Variants in CLNK observed in about 807,000 individuals in gnomAD.
The protein encoded by CLNK is cytokine dependent hematopoietic cell linker, also known as cytokine-dependent hematopoietic cell linker.
CLNK carries 74 observed loss-of-function variants against 68.6 expected under a neutral mutation model. The observed-to-expected ratio is 1.08, with a 90% CI of 0.89 to 1.31. The LOEUF (loss-of-function observed/expected upper bound fraction) is 1.31, where lower values mean the gene tolerates loss of function less well. CLNK is among the 50% of genes most tolerant of loss of function. CLNK has a pLI of 0.00. For synonymous variants in CLNK, 198 were observed against 172.2 expected, an observed-to-expected ratio of 1.15 and a Z score of -1.17; for missense variants, 553 against 515.3, an observed-to-expected ratio of 1.07 and a Z score of -0.71.
At chr4:10,526,445 T>C (rs1300369555) in intron 13 of CLNK, among the ~76,000 whole-genome samples, 1 of 152,170 alleles carries the variant, frequency 6.6e-6, no homozygotes, top group African/African-American at 2.4e-5. Flanking sequence ...ACCGATGATA[T>C]AAAGGAAATA....
chr4:10,709,160 C>A, the CLNK span, among the ~76,000 whole-genome samples: 1 of 152,216 alleles, frequency 6.6e-6, no homozygotes, highest in Admixed American at 6.5e-5. Flanking sequence ...TATGCTTATA[C>A]TGACTCTATG....
chr4:10,657,644 G>T, intron 2 of CLNK, among the ~76,000 whole-genome samples: 1 of 152,150 alleles, frequency 6.6e-6, no homozygotes, highest in East Asian at 1.9e-4. Context: ...CAGAATTTTT[G>T]TTCAAACAGA....
chr4:10,515,850 C>G (rs1379295409), intron 15 of CLNK, among the ~76,000 whole-genome samples: 3 of 152,088 alleles, frequency 2.0e-5, no homozygotes, highest in African/African-American at 7.2e-5. Flanking sequence ...CTGCACAGTC[C>G]TGCCTGGATA....
At chr4:10,611,562 G>A (rs900458122) in intron 2 of CLNK, among the ~76,000 whole-genome samples, 6 of 151,124 alleles carry the variant, frequency 4.0e-5, no homozygotes, top group Non-Finnish European at 7.4e-5. Context: ...GGGGCCTCCC[G>A]TGAGTGCCAG....
At chr4:10,592,198 C>G (rs1721204199) in intron 3 of CLNK, among the ~76,000 whole-genome samples, 1 of 152,034 alleles carries the variant, frequency 6.6e-6, no homozygotes, top group South Asian at 2.1e-4. Flanking sequence ...AGTTTTTTTC[C>G]TTTCCTCAAT....
At chr4:10,639,737 T>A (rs569463237) in intron 2 of CLNK, among the ~76,000 whole-genome samples, 1 of 152,356 alleles carries the variant, frequency 6.6e-6, no homozygotes, top group South Asian at 2.1e-4. Flanking sequence ...AGTAGCCACA[T>A]GTGGCAAACG....
At chr4:10,517,746 A>G (rs1452981264) in intron 15 of CLNK, among the ~76,000 whole-genome samples, 2 of 152,206 alleles carry the variant, frequency 1.3e-5, no homozygotes, top group African/African-American at 4.8e-5. Flanking sequence ...TTTAACCTTC[A>G]GTGCCTTGCT....
At chr4:10,546,797 A>T (rs1254041729) in intron 8 of CLNK, among the ~76,000 whole-genome samples, 1 of 152,082 alleles carries the variant, frequency 6.6e-6, no homozygotes, top group Non-Finnish European at 1.5e-5. Flanking sequence ...CTAGGTGATG[A>T]TTTATATGCA....
At chr4:10,655,283 T>A (rs2108885010) in intron 2 of CLNK, among the ~76,000 whole-genome samples, 1 of 150,060 alleles carries the variant, frequency 6.7e-6, no homozygotes, top group South Asian at 2.1e-4. Context: ...TCATTTATCT[T>A]CTAAGTTATC....
At chr4:10,499,334 G>T (rs866445380) in intron 18 of CLNK, among the ~76,000 whole-genome samples, 8 of 152,188 alleles carry the variant, frequency 5.3e-5, no homozygotes, top group Admixed American at 3.9e-4. Context: ...GCACCCCTCT[G>T]TGCAGAACTA....
chr4:10,725,475 G>A, the CLNK span, among the ~76,000 whole-genome samples: 5 of 152,036 alleles, frequency 3.3e-5, no homozygotes, highest in African/African-American at 7.3e-5. Context: ...AAGGACGCCC[G>A]TGCAGGTTCC....
intron 4 of CLNK, among the ~76,000 whole-genome samples, chr4:10,580,749 G>A (rs1241646572): frequency 6.6e-6 from 1 of 152,148 alleles, no homozygotes; most frequent in African/African-American, 2.4e-5. Flanking sequence ...TTGTGCTTAA[G>A]ATAAGTCTTA....
intron 8 of CLNK, among the ~76,000 whole-genome samples, chr4:10,557,331 C>G (rs141816652): frequency 0.014 from 2,156 of 152,228 alleles, 20 homozygotes; most frequent in Non-Finnish European, 0.023. Flanking sequence ...AGGGACTGCC[C>G]TATCCTCTCA....
rs61796790 is a variant in CLNK at position 10,628,932 on chromosome 4, G to T, written c.12-30883C>A. 1.1e-3 allele frequency among the ~76,000 whole-genome samples: 175 copies of T among 152,262 alleles called. 3 individuals carry two copies. The highest frequency in any genetic ancestry group is 6.8e-3 in the Middle Eastern group (2 of 294). ...GGCTAAGATCTGTCAACACACCTGG[G>T]CAGACTTTTGTCACAAACCATTGTC... is the stretch of plus-strand genomic sequence containing the variant. On this transcript the variant is annotated intron_variant, in intron 2 of 18. Transcript: ENST00000226951.
chr4:10,727,758 G>A, the CLNK span, among the ~76,000 whole-genome samples: 1 of 152,170 alleles, frequency 6.6e-6, no homozygotes, highest in African/African-American at 2.4e-5. Context: ...AAATACTGGA[G>A]ATGTAAATAA....
intron 17 of CLNK, among the ~76,000 whole-genome samples, chr4:10,502,626 C>G (rs1717102765): frequency 1.3e-5 from 2 of 151,750 alleles, no homozygotes; most frequent in South Asian, 4.2e-4. Flanking sequence ...CCACAGCAGG[C>G]TTTGAGCAGA....
At chr4:10,668,147 G>A (rs895719753) in intron 1 of CLNK, among the ~76,000 whole-genome samples, 4 of 152,082 alleles carry the variant, frequency 2.6e-5, no homozygotes, top group African/African-American at 7.2e-5. Flanking sequence ...ATCTGCCCCC[G>A]GGAGCTGAGC....
chr4:10,515,653 A>T (rs1369637048), intron 15 of CLNK, among the ~76,000 whole-genome samples: 1 of 152,238 alleles, frequency 6.6e-6, no homozygotes, highest in African/African-American at 2.4e-5. Context: ...TTGCAAGTGC[A>T]AACTGGAATT....
At chr4:10,550,367 C>T (rs920681167) in intron 8 of CLNK, among the ~76,000 whole-genome samples, 7 of 151,998 alleles carry the variant, frequency 4.6e-5, no homozygotes, top group Non-Finnish European at 1.0e-4. Context: ...TGGTGGCGGG[C>T]GCCTGTAGTC....
Sources: allele counts gnomAD v4.1 joint callset (sites outside exome capture counted in the v4.1 genomes callset), GRCh38; gene constraint gnomAD v4.1.1; transcripts MANE v1.5; gene names NCBI Gene and HGNC (gene_info 2026-07-23, HGNC 2026-07-21).